The following MYO5B variants were observed in gnomAD, a reference collection of about 807,000 sequenced individuals.
MYO5B encodes the protein myosin VB, also known as unconventional myosin-Vb.
A neutral mutation model predicts 229.3 loss-of-function variants in MYO5B; 143 were observed. The observed-to-expected ratio is 0.62, with a 90% CI of 0.54 to 0.72. The LOEUF (loss-of-function observed/expected upper bound fraction) is 0.72. Ranked by LOEUF, MYO5B falls within the 30% of genes least tolerant of loss-of-function variation. The pLI is 0.00. For synonymous variants in MYO5B, 918 were observed against 885.2 expected (o/e 1.04, Z -0.66); for missense variants, 2,321 against 2,331.0 (o/e 1.00, Z 0.09).
intron 2 of MYO5B, among the ~76,000 whole-genome samples, chr18:50,043,631 T>C (rs1225198911): frequency 7.4e-6 from 1 of 135,424 alleles, no homozygotes; most frequent in African/African-American, 2.7e-5. Flanking sequence ...AATATATAAA[T>C]ATATTAAATA....
intron 39 of MYO5B, among the ~76,000 whole-genome samples, chr18:49,831,892 A>C (rs190892143): frequency 2.6e-5 from 4 of 152,332 alleles, no homozygotes; most frequent in African/African-American, 9.6e-5. Flanking sequence ...GGGATATATA[A>C]AGGGAATATT....
intron 1 of MYO5B, among the ~76,000 whole-genome samples, chr18:50,066,581 A>C (rs2030824915): frequency 1.3e-5 from 2 of 152,266 alleles, no homozygotes. Flanking sequence ...TGGGTACATT[A>C]GCAAAACGGC....
At chr18:49,873,855 A>G (rs1430763422) in intron 26 of MYO5B, among the ~76,000 whole-genome samples, 1 of 152,182 alleles carries the variant, frequency 6.6e-6, no homozygotes. Flanking sequence ...GTAGACTGTC[A>G]TAGAGGCCCC....
chr18:50,117,136 G>T (rs1359558820), intron 1 of MYO5B, among the ~76,000 whole-genome samples: 2 of 151,882 alleles, frequency 1.3e-5, no homozygotes, highest in Non-Finnish European at 2.9e-5. Flanking sequence ...GTCAAGATAC[G>T]ATTATGTTCT....
chr18:50,028,705 G>A (rs1010553336), intron 4 of MYO5B, among the ~76,000 whole-genome samples: 1 of 152,212 alleles, frequency 6.6e-6, no homozygotes, highest in Non-Finnish European at 1.5e-5. Flanking sequence ...TACTGGGAAT[G>A]GTAGGGCAGC....
In MYO5B at chr18:49,825,767, T is replaced by A. The variant is rs1336975243; in HGVS notation, c.*704A>T. The A allele has an allele frequency of 6.5e-6, 1 of 152,738 alleles. No homozygotes were observed. The highest frequency in any genetic ancestry group is 2.4e-5 in the African/African-American group (1 of 41,450). 9.5% of individuals were successfully genotyped at this position (152,738 alleles called of 1,614,324 possible). On this transcript the variant is annotated 3_prime_UTR_variant, in exon 40 of 40. Coordinates refer to ENST00000285039, the MANE Select transcript of MYO5B (RefSeq NM_001080467.3). ...ACTTGGAGTTTGGGATAGCAGCATT[T>A]TAATAATCTCTTCCATTAAATCAAG... is the stretch of plus-strand genomic sequence containing the variant.
At chr18:50,149,534 A>G (rs1405281486) in intron 1 of MYO5B, among the ~76,000 whole-genome samples, 1 of 151,766 alleles carries the variant, frequency 6.6e-6, no homozygotes, top group African/African-American at 2.4e-5. Context: ...AATGCCACAT[A>G]TCTACAACCA....
rs546088527 is a variant in MYO5B at position 50,073,038 on chromosome 18, C to T, written c.28-17660G>A. Among the ~76,000 whole-genome samples the T allele has an allele frequency of 3.3e-4, 51 of 152,304 alleles. 1 individual carries two copies. The South Asian group carries it at 0.01, about 30-fold the overall frequency. ...GTCACATCGTAGCCAAAGATTTACT[C>T]CTAGCCAAGGGACTCTCACCTAATC... is the stretch of plus-strand genomic sequence containing the variant. On this transcript the variant is annotated intron_variant, in intron 1 of 39. Transcript: ENST00000285039.
At chr18:49,872,285 C>T in intron 26 of MYO5B, 53 bp from the exon 27 acceptor site, 1 of 1,582,604 alleles carries the variant, frequency 6.3e-7, no homozygotes, top group Non-Finnish European at 8.7e-7. Context: ...AGATATTCCA[C>T]AGAGGTGTTT....
chr18:49,962,459 C>T, intron 11 of MYO5B, 53 bp from the exon 12 acceptor site: 1 of 1,612,884 alleles, frequency 6.2e-7, no homozygotes, highest in South Asian at 1.1e-5. Context: ...CCTTAACATT[C>T]ACCTCCCCCA....
At chr18:50,056,628 C>T (rs1243320972) in intron 1 of MYO5B, among the ~76,000 whole-genome samples, 1 of 152,182 alleles carries the variant, frequency 6.6e-6, no homozygotes, top group Non-Finnish European at 1.5e-5. Context: ...ATCCACTTCA[C>T]TCCTGGAGTG....
intron 17 of MYO5B, among the ~76,000 whole-genome samples, chr18:49,916,143 TCTC>T (rs1461957225): frequency 6.6e-6 from 1 of 152,262 alleles, no homozygotes; most frequent in African/African-American, 2.4e-5. Flanking sequence ...TTGCTTTAGT[TCTC>T]CTTAAGAGTT....
intron 30 of MYO5B, among the ~76,000 whole-genome samples, chr18:49,853,948 G>A (rs2024231406): frequency 6.6e-6 from 1 of 152,238 alleles, no homozygotes; most frequent in Non-Finnish European, 1.5e-5. Context: ...TTGAAAGACT[G>A]TCTCCCTGTC....
At chr18:49,953,619 C>T (rs1413396380) in intron 13 of MYO5B, among the ~76,000 whole-genome samples, 1 of 152,220 alleles carries the variant, frequency 6.6e-6, no homozygotes, top group Non-Finnish European at 1.5e-5. Context: ...CCACACCTCA[C>T]ACCCAATGAA....
intron 1 of MYO5B, among the ~76,000 whole-genome samples, chr18:50,095,497 G>T (rs140986350): frequency 1.3e-5 from 2 of 152,320 alleles, no homozygotes; most frequent in Non-Finnish European, 2.9e-5. Context: ...AGGCACATGT[G>T]CTGGGGTTCA....
chr18:49,862,936 G>C (rs554790610), intron 29 of MYO5B, among the ~76,000 whole-genome samples: 13 of 136,222 alleles, frequency 9.5e-5, no homozygotes, highest in African/African-American at 3.7e-4. Context: ...AAGAAGAAAA[G>C]CTGTTCTCAG....
intron 1 of MYO5B, among the ~76,000 whole-genome samples, chr18:50,116,307 A>T (rs1379355145): frequency 1.3e-5 from 2 of 152,128 alleles, no homozygotes; most frequent in Non-Finnish European, 2.9e-5. Context: ...TCACTAGTCA[A>T]CAGTCATCAC....
intron 29 of MYO5B, among the ~76,000 whole-genome samples, chr18:49,861,001 C>T (rs534726302): frequency 6.6e-6 from 1 of 152,310 alleles, no homozygotes; most frequent in South Asian, 2.1e-4. Flanking sequence ...TTGCAGCAAT[C>T]ATGAACACTT....
intron 14 of MYO5B, among the ~76,000 whole-genome samples, chr18:49,941,171 A>T (rs572586792): frequency 2.1e-4 from 32 of 152,342 alleles, no homozygotes; most frequent in African/African-American, 7.5e-4. Flanking sequence ...CATTTCTCAC[A>T]GACACACCAA....
Sources: allele counts gnomAD v4.1 joint callset (sites outside exome capture counted in the v4.1 genomes callset), GRCh38; gene constraint gnomAD v4.1.1; transcripts MANE v1.5; gene names NCBI Gene and HGNC (gene_info 2026-07-23, HGNC 2026-07-21).